Variants in ASPH observed in about 807,000 individuals in gnomAD.
The protein encoded by ASPH is aspartyl/asparaginyl beta-hydroxylase.
ASPH carries 100 observed loss-of-function variants against 118.4 expected under a neutral mutation model. The ratio of observed to expected loss-of-function variants is 0.84; its 90% CI spans 0.72 to 1.00. The LOEUF (loss-of-function observed/expected upper bound fraction) is 1.00, where lower values mean the gene tolerates loss of function less well. Among genes scored for constraint, ASPH ranks in the 50% least tolerant of loss-of-function variants. The pLI, the probability that ASPH is intolerant of heterozygous loss-of-function variation, is 0.00. For missense variants in ASPH, 920 were observed against 919.5 expected (o/e 1.00, Z -0.01); for synonymous variants, 315 against 325.6 (o/e 0.97, Z 0.35).
At chr8:61,624,456 A>G in intron 13 of ASPH, 2 of 979,424 alleles carry the variant, frequency 2.0e-6, no homozygotes, top group South Asian at 4.7e-5. Flanking sequence ...ATCTTCTAAA[A>G]TACTAGTAAG....
chr8:61,626,717 AATAAATT>A (rs761591208), intron 13 of ASPH, among the ~76,000 whole-genome samples: 118 of 109,646 alleles, frequency 1.1e-3, no homozygotes, highest in Non-Finnish European at 1.7e-3. Flanking sequence ...TTTAAATTAA[AATAAATT>A]TTAAAAAATT....
chr8:61,514,312 AT>A (rs759586516), intron 24 of ASPH, among the ~76,000 whole-genome samples: 423 of 143,406 alleles, frequency 2.9e-3, no homozygotes, highest in Middle Eastern at 7.4e-3. Flanking sequence ...GCCTAAGTAG[AT>A]TTTTTTTTTT....
At chr8:61,600,228 C>G (rs1843581016) in intron 14 of ASPH, among the ~76,000 whole-genome samples, 1 of 151,976 alleles carries the variant, frequency 6.6e-6, no homozygotes, top group Non-Finnish European at 1.5e-5. Flanking sequence ...AGGAATATAC[C>G]TCAACATAAT....
At chr8:61,615,106 CTA>C in intron 14 of ASPH, among the ~76,000 whole-genome samples, 2 of 152,286 alleles carry the variant, frequency 1.3e-5, no homozygotes, top group South Asian at 4.1e-4. Flanking sequence ...CTTCGAAAGC[CTA>C]TGTGATTTGA....
At chr8:61,570,836 C>T (rs955009435) in intron 16 of ASPH, among the ~76,000 whole-genome samples, 1 of 152,112 alleles carries the variant, frequency 6.6e-6, no homozygotes, top group Non-Finnish European at 1.5e-5. Flanking sequence ...CATTTTCTGC[C>T]TCAAAGGCAT....
rs748441378 is a variant in ASPH, at chr8:61,646,742, T to C, written c.619+8A>G. The C allele has an allele frequency of 4.4e-6, 7 of 1,603,706 alleles. No homozygotes were observed. In the South Asian group the frequency reaches 7.9e-5, roughly 18 times the overall value. ...TTTATCCTAAAACTTGAAAAAAAAG[T>C]GTTCTACCTTCATGAGATACTTCAG... On this transcript the variant is annotated splice_region_variant and intron_variant, in intron 6 of 24. Transcript: ENST00000379454.
At chr8:61,517,397 G>T in intron 24 of ASPH, 131 bp downstream of exon 24, 3 of 1,322,282 alleles carry the variant, frequency 2.3e-6, no homozygotes, top group Non-Finnish European at 3.1e-6. Context: ...TAAGAGTTTG[G>T]ATTAATATCA....
intron 1 of ASPH, among the ~76,000 whole-genome samples, chr8:61,710,723 T>G (rs1470226932): frequency 2.6e-5 from 4 of 152,190 alleles, no homozygotes; most frequent in Non-Finnish European, 5.9e-5. Context: ...GATTAAGCAA[T>G]TGGCTCTGAT....
At chr8:61,689,842 A>T in intron 1 of ASPH, 1 of 1,389,658 alleles carries the variant, frequency 7.2e-7, no homozygotes, top group Non-Finnish European at 9.4e-7. Flanking sequence ...GGGCCTCTAG[A>T]ACTGAAATTG....
intron 13 of ASPH, 69 bp from the exon 14 acceptor site, chr8:61,619,088 A>T: frequency 4.6e-6 from 5 of 1,076,076 alleles, no homozygotes; most frequent in Non-Finnish European, 6.9e-6. Context: ...AATATAGGAC[A>T]ATATTTAAAT....
intron 10 of ASPH, among the ~76,000 whole-genome samples, chr8:61,642,133 C>T (rs1805410752): frequency 6.6e-6 from 1 of 152,174 alleles, no homozygotes; most frequent in African/African-American, 2.4e-5. Flanking sequence ...CTGCTGATGC[C>T]ACAAATTTGC....
intron 3 of ASPH, chr8:61,664,705 G>C (rs1398566413): frequency 1.0e-6 from 1 of 986,188 alleles, no homozygotes; most frequent in South Asian, 4.7e-5. Context: ...CCCATGAAAA[G>C]CCTGAGGAAC....
At chr8:61,669,990 A>T (rs975269380) in intron 3 of ASPH, among the ~76,000 whole-genome samples, 1 of 152,212 alleles carries the variant, frequency 6.6e-6, no homozygotes, top group Non-Finnish European at 1.5e-5. Context: ...AAATGAACAC[A>T]TGAACAAAGT....
chr8:61,531,191 T>G (rs947065132), intron 21 of ASPH, among the ~76,000 whole-genome samples: 1 of 152,234 alleles, frequency 6.6e-6, no homozygotes, highest in Non-Finnish European at 1.5e-5. Context: ...TTGATGCTTT[T>G]ATTCTACCTT....
Position 61,642,923 on chromosome 8 carries a change from G to T in ASPH, c.758-3C>A. On this transcript the variant is annotated splice_polypyrimidine_tract_variant and splice_region_variant and intron_variant, in intron 9 of 24. Coordinates refer to ENST00000379454, the MANE Select transcript of ASPH (RefSeq NM_004318.4). ...ATAGACTTGGTATGTTACATCATCT[G>T]AAAAAAAAAAGAGAATAAAAGCAAA... 1 of 1,376,412 alleles carries T rather than the reference G, an allele frequency of 7.3e-7. No homozygotes were observed. Among genetic ancestry groups the T allele is most frequent in the South Asian group, 1.4e-5 (1 of 70,438 alleles). The allele number at this position is 1,376,412 out of a possible 1,614,324, so 85.3% of individuals were successfully genotyped here. A position where few individuals can be genotyped will look rare whatever the true frequency, so the allele number is the denominator to read the frequency against.
chr8:61,702,594 A>T (rs752134388), intron 1 of ASPH, among the ~76,000 whole-genome samples: 9 of 152,030 alleles, frequency 5.9e-5, no homozygotes, highest in Non-Finnish European at 1.2e-4. Flanking sequence ...CCCCCCAATA[A>T]CTACTTCTAT....
At chr8:61,708,787 G>C (rs141512531) in intron 1 of ASPH, among the ~76,000 whole-genome samples, 11 of 152,294 alleles carry the variant, frequency 7.2e-5, no homozygotes, top group African/African-American at 2.6e-4. Flanking sequence ...ACACATGTAG[G>C]AGAGAAGTGC....
At chr8:61,707,028 G>A (rs1260544917) in intron 1 of ASPH, among the ~76,000 whole-genome samples, 1 of 152,112 alleles carries the variant, frequency 6.6e-6, no homozygotes. Context: ...ATCTTTTAGA[G>A]GAAAATACAA....
At chr8:61,521,978 C>T (rs1354387467) in intron 22 of ASPH, among the ~76,000 whole-genome samples, 1 of 150,232 alleles carries the variant, frequency 6.7e-6, no homozygotes, top group East Asian at 1.9e-4. Flanking sequence ...GGTTCAGCCT[C>T]AGCTTATTCA....
Sources: gnomAD v4.1 joint callset for allele counts (sites outside exome capture counted in the v4.1 genomes callset) on GRCh38, gnomAD v4.1.1 for gene constraint, MANE v1.5 for transcripts, NCBI Gene and HGNC (gene_info 2026-07-23, HGNC 2026-07-21) for gene names.